The following NRP1 variants were observed in gnomAD, a reference collection of about 807,000 sequenced individuals.
The protein encoded by NRP1 is neuropilin-1.
A neutral mutation model predicts 106.7 loss-of-function variants in NRP1; 35 were observed. That is an observed-to-expected ratio of 0.33 (90% CI 0.25 to 0.43). NRP1 has a LOEUF of 0.43. Ranked by LOEUF, NRP1 falls within the 20% of genes least tolerant of loss-of-function variation. The probability of loss-of-function intolerance (pLI) is 1.00; values close to 1 mark genes in which losing one functional copy is unlikely to be tolerated. For synonymous variants in NRP1, 437 were observed against 417.9 expected (o/e 1.05, Z -0.56); for missense variants, 1,024 against 1,170.4 (o/e 0.87, Z 1.83).
At chr10:33,317,894 G>A (rs921038005) in intron 2 of NRP1, among the ~76,000 whole-genome samples, 8 of 152,202 alleles carry the variant, frequency 5.3e-5, no homozygotes, top group African/African-American at 1.9e-4. Context: ...TACTATCTCT[G>A]TTGTGTGTAT....
intron 2 of NRP1, among the ~76,000 whole-genome samples, chr10:33,300,904 C>T (rs1317142221): frequency 6.6e-6 from 1 of 152,144 alleles, no homozygotes; most frequent in Non-Finnish European, 1.5e-5. Context: ...GTGCCCTGAC[C>T]ACCTTGGGCA....
At chr10:33,303,777 A>G (rs561272446) in intron 2 of NRP1, among the ~76,000 whole-genome samples, 1 of 152,342 alleles carries the variant, frequency 6.6e-6, no homozygotes, top group South Asian at 2.1e-4. Context: ...CCTTCTTAAG[A>G]TATAACATAT....
intron 2 of NRP1, among the ~76,000 whole-genome samples, chr10:33,326,746 C>A (rs1189084314): frequency 2.6e-5 from 4 of 152,122 alleles, no homozygotes; most frequent in Non-Finnish European, 2.9e-5. Context: ...TATGGAGGCA[C>A]AACTTACACA....
At chr10:33,213,013 G>T in intron 9 of NRP1, 1 of 548,964 alleles carries the variant, frequency 1.8e-6, no homozygotes, top group Non-Finnish European at 3.2e-6. Flanking sequence ...TTAAACTAGG[G>T]GTAGGTTTGA....
At chr10:33,270,578 C>T (rs903930680) in intron 3 of NRP1, 97 bp downstream of exon 3, 66 of 1,028,040 alleles carry the variant, frequency 6.4e-5, no homozygotes, top group Middle Eastern at 2.4e-4. Context: ...CCACCTGCCT[C>T]GGCCTCCCAA....
At position 33,213,672 on chromosome 10, in the gene NRP1, G is replaced by A. The variant is rs1245041209; in HGVS notation, c.1328C>T (p.Ser443Phe). 4 of 1,613,002 alleles carry A rather than the reference G, an allele frequency of 2.5e-6. No individual in the cohort carries two copies. Among genetic ancestry groups the A allele is most frequent in the East Asian group, 2.2e-5 (1 of 44,894 alleles). The change falls in exon 9 of 17, where the codon TCT becomes TTT. Residue 443 changes from serine (S) to phenylalanine (F), a missense_variant. Transcript: ENST00000374867. ...GMLGMVSGLI[S>F]DSQITSSNQG... ...GTTGGATGATGTGATCTGGGAGTCAGAAATAAGTCCAGACACCATACCCAA... is the reference window on the plus strand; with the variant it reads ...GTTGGATGATGTGATCTGGGAGTCAAAAATAAGTCCAGACACCATACCCAA...
In NRP1 at chr10:33,182,703, T is replaced by C; in HGVS notation, c.2477A>G (p.Glu826Gly). Residue 826 changes from glutamate to glycine, a missense_variant, in exon 16 of 17, where the codon GAA becomes GGA. Around this residue, in one of 5 missense-constraint regions of NRP1, gnomAD observed 164 missense variants for 161.4 expected, o/e 1.02. Coordinates refer to ENST00000374867, the MANE Select transcript of NRP1 (RefSeq NM_003873.7). ...DKKNPEIKID[E>G]TGSTPGYEGE... ...GGTCAGCAAGACAAATTTACCTGTT[T>C]CATCAATTTTAATTTCTGGGTTCTT... The C allele has an allele frequency of 6.2e-7, 1 of 1,612,058 alleles. No individual in the cohort carries two copies. Among genetic ancestry groups the C allele is most frequent in the Non-Finnish European group, 8.5e-7 (1 of 1,178,846 alleles).
At chr10:33,310,141 G>T (rs184454656) in intron 2 of NRP1, among the ~76,000 whole-genome samples, 1 of 151,724 alleles carries the variant, frequency 6.6e-6, no homozygotes, top group East Asian at 1.9e-4. Flanking sequence ...AGTAGAGACG[G>T]GGTTTCACCG....
At chr10:33,205,934 G>C (rs1837739489) in intron 10 of NRP1, 2 of 215,194 alleles carry the variant, frequency 9.3e-6, no homozygotes, top group African/African-American at 4.5e-5. Context: ...TTTTGGGAAA[G>C]AGCTGTCATT....
intron 4 of NRP1, among the ~76,000 whole-genome samples, chr10:33,263,416 A>T (rs927674621): frequency 6.6e-6 from 1 of 152,222 alleles, no homozygotes; most frequent in Non-Finnish European, 1.5e-5. Flanking sequence ...GTAATCTTTC[A>T]TGGCCTCAGC....
chr10:33,260,228 G>T (rs1028328249), intron 4 of NRP1, among the ~76,000 whole-genome samples: 2 of 151,988 alleles, frequency 1.3e-5, no homozygotes, highest in East Asian at 3.9e-4. Flanking sequence ...CATTTCAAAC[G>T]TACAAAATAG....
rs554096023 is a variant in NRP1 at position 33,238,913 on chromosome 10, G to T, written c.982-12624C>A. On this transcript the variant is annotated intron_variant, in intron 6 of 16. Transcript: ENST00000374867. ...AATTGGAGTGGGTGCCTCTGTGTGT[G>T]TGTGTGTGTGTGTGTGTGTATGTGT... 8.6e-5 allele frequency among the ~76,000 whole-genome samples: 13 copies of T among 151,672 alleles called. No individual in the cohort carries two copies. In the South Asian group the frequency reaches 2.7e-3, roughly 32 times the overall value.
At chr10:33,236,140 A>G (rs1840534774) in intron 6 of NRP1, among the ~76,000 whole-genome samples, 1 of 152,244 alleles carries the variant, frequency 6.6e-6, no homozygotes, top group South Asian at 2.1e-4. Flanking sequence ...TGGAAAGAGG[A>G]CACGCTGTCA....
chr10:33,263,457 A>G (rs1644507659), intron 4 of NRP1, among the ~76,000 whole-genome samples, 189 bp downstream of exon 4: 1 of 152,204 alleles, frequency 6.6e-6, no homozygotes. Flanking sequence ...GAATTGGACT[A>G]GATAATTACT....
chr10:33,223,395 A>G (rs1839409619), intron 7 of NRP1, among the ~76,000 whole-genome samples: 1 of 151,848 alleles, frequency 6.6e-6, no homozygotes, highest in Non-Finnish European at 1.5e-5. Context: ...CCAAGGCAGG[A>G]GGATTGCTTG....
At chr10:33,212,007 A>G (rs1270659652) in intron 9 of NRP1, 4 of 152,120 alleles carry the variant, frequency 2.6e-5, no homozygotes, top group Admixed American at 1.3e-4. Context: ...CACCCAGCAC[A>G]CTCCAGGGTA....
At chr10:33,294,560 G>T (rs770544776) in intron 2 of NRP1, among the ~76,000 whole-genome samples, 81 of 150,636 alleles carry the variant, frequency 5.4e-4, no homozygotes, top group Non-Finnish European at 6.8e-4. Flanking sequence ...AGAGATTGTG[G>T]TGAGTTGACA....
rs190746654 is a variant in NRP1, at chr10:33,191,112, C to G, written c.2062+1169G>C. ...AACTCAACTGATTCTCCTGTTCTGG[C>G]CTCCCAAAGTGCTGGGATTACAGGT... is the stretch of plus-strand genomic sequence containing the variant. On this transcript the variant is annotated intron_variant, in intron 13 of 16. Coordinates refer to ENST00000374867, the MANE Select transcript of NRP1 (RefSeq NM_003873.7). 3.3e-5 allele frequency among the ~76,000 whole-genome samples: 5 copies of G among 152,318 alleles called. No individual in the cohort carries two copies. The East Asian group carries it at 7.7e-4, about 24-fold the overall frequency.
At chr10:33,260,640 C>T (rs1420750885) in intron 4 of NRP1, among the ~76,000 whole-genome samples, 2 of 152,138 alleles carry the variant, frequency 1.3e-5, no homozygotes, top group Admixed American at 6.5e-5. Flanking sequence ...ATATGTAAAC[C>T]TCCACCAATT....
Sources: gnomAD v4.1 joint callset for allele counts (sites outside exome capture counted in the v4.1 genomes callset) on GRCh38, gnomAD v4.1.1 for gene constraint, gnomAD v4.1.1 regional missense constraint, MANE v1.5 for transcripts, NCBI Gene and HGNC (gene_info 2026-07-23, HGNC 2026-07-21) for gene names.